The following PRPF6 variants were observed in gnomAD, a reference collection of about 807,000 sequenced individuals.
PRPF6 encodes pre-mRNA processing factor 6.
In PRPF6, 42 loss-of-function variants were observed where a neutral mutation model predicts 118.3. The observed-to-expected ratio is 0.35, with a 90% CI of 0.28 to 0.46. The LOEUF (loss-of-function observed/expected upper bound fraction) is 0.46. PRPF6 is among the 20% of genes least tolerant of loss of function. The pLI is 1.00. For synonymous variants in PRPF6, 481 were observed against 485.1 expected, an observed-to-expected ratio of 0.99 and a Z score of 0.11; for missense variants, 662 against 1,255.7, an observed-to-expected ratio of 0.53 and a Z score of 7.15.
intron 8 of PRPF6, 51 bp downstream of exon 8, chr20:63,999,810 C>T (rs775627105): frequency 4.4e-6 from 7 of 1,601,398 alleles, no homozygotes; most frequent in South Asian, 2.2e-5. Context: ...GATTGTGGCC[C>T]CTACGGGAGT....
At chr20:63,988,707 A>G (rs941218486) in intron 3 of PRPF6, among the ~76,000 whole-genome samples, 4 of 151,272 alleles carry the variant, frequency 2.6e-5, no homozygotes, top group East Asian at 2.0e-4. Flanking sequence ...CATCTCTACT[A>G]AAAATACAAA....
At chr20:64,030,986 C>A (rs1191695762) in intron 19 of PRPF6, among the ~76,000 whole-genome samples, 15 of 152,258 alleles carry the variant, frequency 9.9e-5, no homozygotes, top group African/African-American at 3.4e-4. Context: ...GCATGCTCAG[C>A]AGCCAGCGCC....
chr20:63,994,801 A>G, intron 4 of PRPF6, 115 bp from the exon 5 acceptor site: 1 of 1,363,432 alleles, frequency 7.3e-7, no homozygotes, highest in Non-Finnish European at 1.0e-6. Context: ...GCTGCATCCA[A>G]ATCCCTTCTA....
chr20:64,018,359 G>T (rs1227746084), intron 12 of PRPF6, among the ~76,000 whole-genome samples: 6 of 152,100 alleles, frequency 3.9e-5, no homozygotes, highest in Non-Finnish European at 8.8e-5. Context: ...GGCCAGTGAT[G>T]CTGTAGACTC....
Position 64,031,672 on chromosome 20 carries a change from C to CAAAA in PRPF6, c.2547-230_2547-227dup, listed in dbSNP as rs568394576. Among the ~76,000 whole-genome samples the CAAAA allele has an allele frequency of 2.0e-4, 15 of 75,862 alleles. No individual in the cohort carries two copies. The South Asian group carries it at 4.7e-3, about 24-fold the overall frequency. The allele number at this position is 75,862 out of a possible 152,430, so 49.8% of individuals were successfully genotyped here. A position where few individuals can be genotyped will look rare whatever the true frequency, so the allele number is the denominator to read the frequency against. ...TGGGCGACAGAGCGAGACTCCTTCTCAAAAAAAAAAAAAAAAAAACAACAA... is the reference window on the plus strand; with the variant it reads ...TGGGCGACAGAGCGAGACTCCTTCTCAAAAAAAAAAAAAAAAAAAAAAACAACAA... On this transcript the variant is annotated intron_variant, in intron 19 of 20. Transcript: ENST00000266079.
chr20:64,025,507 G>A lies in PRPF6; in HGVS notation c.1909-432G>A, dbSNP rs536915947. 7.4e-4 allele frequency among the ~76,000 whole-genome samples: 112 copies of A among 152,364 alleles called. 1 individual carries two copies. The highest frequency in any genetic ancestry group is 2.6e-3 in the African/African-American group (108 of 41,586). ...TGGCACCCTGGGAGTCCTCTCTCCT[G>A]CCCATGTGGGCTCATGAGGACAGGA... is the stretch of plus-strand genomic sequence containing the variant. On this transcript the variant is annotated intron_variant, in intron 14 of 20. Coordinates refer to ENST00000266079, the MANE Select transcript of PRPF6 (RefSeq NM_012469.4).
chr20:63,997,054 A>G (rs1016281429), intron 6 of PRPF6, among the ~76,000 whole-genome samples: 20 of 152,000 alleles, frequency 1.3e-4, no homozygotes, highest in African/African-American at 4.1e-4. Context: ...TTGTTATACA[A>G]CCTCATCACC....
intron 6 of PRPF6, among the ~76,000 whole-genome samples, chr20:63,997,288 CTT>C (rs928046111): frequency 1.2e-4 from 14 of 112,668 alleles, no homozygotes; most frequent in Admixed American, 1.9e-4. Flanking sequence ...TCAGCATGTT[CTT>C]TTTTTTTTTT....
chr20:63,982,165 A>AATT (rs559446658), intron 1 of PRPF6, among the ~76,000 whole-genome samples: 1,743 of 151,646 alleles, frequency 0.011, 35 homozygotes, highest in African/African-American at 0.04. Context: ...GACCCTTCAG[A>AATT]ATTATTATTA....
intron 7 of PRPF6, 133 bp downstream of exon 7, chr20:63,999,272 T>G: frequency 1.2e-6 from 1 of 812,746 alleles, no homozygotes; most frequent in Non-Finnish European, 2.1e-6. Context: ...AGTAGTTTGT[T>G]TTTTCCATTT....
intron 6 of PRPF6, among the ~76,000 whole-genome samples, chr20:63,997,041 A>C (rs2059143633): frequency 6.6e-6 from 1 of 152,156 alleles, no homozygotes; most frequent in Admixed American, 6.6e-5. Context: ...AATTATGTTC[A>C]TGTTGTTATA....
At position 63,984,889 on chromosome 20, in the gene PRPF6, G is replaced by A. The variant is rs2059086761; in HGVS notation, c.241-18G>A. On this transcript the variant is annotated intron_variant, in intron 2 of 20. Transcript: ENST00000266079. ...TTGAAGGAAAAGCTGACCTCTACAC[G>A]TGTTGTTTGCTTCTCAGTTTAATGG... The A allele has an allele frequency of 4.5e-6, 7 of 1,567,608 alleles. No homozygotes were observed. Among genetic ancestry groups the A allele is most frequent in the Non-Finnish European group, 6.1e-6 (7 of 1,138,838 alleles).
In PRPF6 at chr20:63,983,041, C is replaced by T. The variant is rs1377151374; in HGVS notation, c.72-6C>T. The T allele has an allele frequency of 6.2e-7, 1 of 1,613,806 alleles. No homozygotes were observed. Among genetic ancestry groups the T allele is most frequent in the Non-Finnish European group, 8.5e-7 (1 of 1,179,960 alleles). On this transcript the variant is annotated splice_region_variant and splice_polypyrimidine_tract_variant and intron_variant, in intron 1 of 20. Transcript: ENST00000266079. ...AGACACCCGGTGTCTTGGGGGTCTC[C>T]TGCAGCGCCACTGGCTTCACCACGC...
rs1256171269 is a variant in PRPF6 at position 64,011,517 on chromosome 20, G to T, written c.1524+14G>T. The T allele has an allele frequency of 6.2e-7, 1 of 1,606,594 alleles. No homozygotes were observed. Among genetic ancestry groups the T allele is most frequent in the African/African-American group, 1.3e-5 (1 of 74,860 alleles). ...CAGTGGATCCAGGTGGGCCGCAGGC[G>T]GGTGTCGTGGTGTCTGCTTTAACAG... On this transcript the variant is annotated intron_variant, in intron 11 of 20. Coordinates refer to ENST00000266079, the MANE Select transcript of PRPF6 (RefSeq NM_012469.4). This position sits in a 1 kb window ranked among gnomAD's most constrained non-coding sequence, Gnocchi z 6.7.
At chr20:63,988,868 CAA>C (rs906923186) in intron 3 of PRPF6, among the ~76,000 whole-genome samples, 5 of 97,148 alleles carry the variant, frequency 5.1e-5, no homozygotes, top group Non-Finnish European at 2.2e-5. Flanking sequence ...GACTCCGTCT[CAA>C]AAAAAAAAAA....
chr20:63,987,192 G>A (rs957959565), intron 3 of PRPF6, among the ~76,000 whole-genome samples: 42 of 148,358 alleles, frequency 2.8e-4, no homozygotes, highest in East Asian at 2.6e-3. Context: ...AAAAAAAAGG[G>A]GGGGGGAGCA....
rs1475989038 is a variant in PRPF6 at position 64,011,570 on chromosome 20, G to A, written c.1524+67G>A. On this transcript the variant is annotated intron_variant, in intron 11 of 20. Transcript: ENST00000266079. The surrounding 1 kb of genome is among the most constrained non-coding windows in gnomAD (Gnocchi z 6.7). ...CACATGCAGCACGTGAGAGTCCCAC[G>A]CAGGACTGGGGGTTGCTGGATGGTA... The A allele has an allele frequency of 1.1e-5, 17 of 1,512,328 alleles. No individual in the cohort carries two copies. In the South Asian group the frequency reaches 1.2e-4, roughly 11 times the overall value. 93.7% of individuals were successfully genotyped at this position (1,512,328 alleles called of 1,614,324 possible).
Position 64,011,592 on chromosome 20 carries a change from G to GGCACAGGACTCCCCA in PRPF6, c.1524+90_1524+91insCACAGGACTCCCCAG. 1.4e-6 allele frequency: 2 copies of GGCACAGGACTCCCCA among 1,425,492 alleles called. No homozygotes were observed. Among genetic ancestry groups the GGCACAGGACTCCCCA allele is most frequent in the Non-Finnish European group, 1.9e-6 (2 of 1,043,014 alleles). The allele number at this position is 1,425,492 out of a possible 1,614,324, so 88.3% of individuals were successfully genotyped here. ...CACGCAGGACTGGGGGTTGCTGGATGGTACTGGGGAGTCCTGTGCCAAACC... is the reference window on the plus strand; with the variant it reads ...CACGCAGGACTGGGGGTTGCTGGATGGCACAGGACTCCCCAGTACTGGGGAGTCCTGTGCCAAACC... On this transcript the variant is annotated intron_variant, in intron 11 of 20. Transcript: ENST00000266079. This position sits in a 1 kb window ranked among gnomAD's most constrained non-coding sequence, Gnocchi z 6.7.
chr20:64,005,125 C>T (rs2059184030), intron 9 of PRPF6, among the ~76,000 whole-genome samples: 1 of 152,174 alleles, frequency 6.6e-6, no homozygotes, highest in African/African-American at 2.4e-5. Flanking sequence ...AGTCACACTC[C>T]TTGAAGGCCA....
Sources: gnomAD v4.1 joint callset for allele counts (sites outside exome capture counted in the v4.1 genomes callset) on GRCh38, gnomAD v4.1.1 for gene constraint, Gnocchi (gnomAD v3.1) non-coding constraint, MANE v1.5 for transcripts, NCBI Gene and HGNC (gene_info 2026-07-23, HGNC 2026-07-21) for gene names.